ACCSL: variants seen among roughly 807,000 people sequenced by gnomAD.
The protein encoded by ACCSL is 1-aminocyclopropane-1-carboxylate synthase homolog (inactive) like, also known as probable inactive 1-aminocyclopropane-1-carboxylate synthase-like protein 2.
Under a neutral mutation model 61.7 loss-of-function variants are expected in ACCSL, and 55 were observed. That is an observed-to-expected ratio of 0.89 (90% CI 0.72 to 1.12). ACCSL has a LOEUF of 1.12. Ranked by LOEUF, ACCSL falls within the 50% of genes most tolerant of loss-of-function variation. The pLI is 0.00. For synonymous variants in ACCSL, 258 were observed against 264.3 expected (o/e 0.98, Z 0.23); for missense variants, 632 against 698.0 (o/e 0.91, Z 1.07).
the ACCSL span, among the ~76,000 whole-genome samples, chr11:43,977,037 G>A: frequency 6.6e-6 from 1 of 152,160 alleles, no homozygotes; most frequent in Non-Finnish European, 1.5e-5. Flanking sequence ...CTCTTGAAAG[G>A]CCAGTCCTCC....
At chr11:43,924,692 C>A in the ACCSL span, among the ~76,000 whole-genome samples, 1 of 152,240 alleles carries the variant, frequency 6.6e-6, no homozygotes, top group Non-Finnish European at 1.5e-5. Context: ...CCAGCTGGGT[C>A]ATCGCTGCCT....
the ACCSL span, among the ~76,000 whole-genome samples, chr11:43,990,745 C>T: frequency 1.3e-5 from 2 of 152,166 alleles, no homozygotes; most frequent in Non-Finnish European, 2.9e-5. Flanking sequence ...CTGCAGAATG[C>T]TTCTCACTGG....
the ACCSL span, among the ~76,000 whole-genome samples, chr11:44,014,496 A>C: frequency 9.8e-6 from 1 of 102,350 alleles, no homozygotes; most frequent in Non-Finnish European, 2.0e-5. Context: ...AGAGAGAGAG[A>C]GAGAGAGAGA....
chr11:44,057,475 C>A (rs192550874), intron 11 of ACCSL, among the ~76,000 whole-genome samples: 121 of 152,296 alleles, frequency 7.9e-4, no homozygotes, highest in African/African-American at 1.5e-3. Flanking sequence ...CTTGGATGGA[C>A]GTGGGAGTTT....
At chr11:43,923,761 G>A in the ACCSL span, among the ~76,000 whole-genome samples, 1 of 152,232 alleles carries the variant, frequency 6.6e-6, no homozygotes, top group Non-Finnish European at 1.5e-5. Flanking sequence ...GTTTAAGCTG[G>A]AGCGGGAAGA....
At chr11:44,026,522 A>T in the ACCSL span, among the ~76,000 whole-genome samples, 5 of 152,164 alleles carry the variant, frequency 3.3e-5, no homozygotes, top group African/African-American at 4.8e-5. Flanking sequence ...TAAATCCAAC[A>T]TCTGGGCATT....
chr11:43,935,858 T>C, the ACCSL span, among the ~76,000 whole-genome samples: 1 of 152,134 alleles, frequency 6.6e-6, no homozygotes, highest in East Asian at 1.9e-4. Flanking sequence ...GAAGAGGGAC[T>C]GTCCTACATC....
chr11:44,041,281 A>G, the ACCSL span, among the ~76,000 whole-genome samples: 2 of 152,238 alleles, frequency 1.3e-5, no homozygotes, highest in Admixed American at 6.5e-5. Flanking sequence ...TTCTTACCTC[A>G]CAGCAGTTGT....
At chr11:44,009,619 G>C in the ACCSL span, among the ~76,000 whole-genome samples, 3 of 152,076 alleles carry the variant, frequency 2.0e-5, no homozygotes, top group Non-Finnish European at 4.4e-5. Flanking sequence ...TAAAAAATTT[G>C]CTGGGCATGG....
Position 44,056,267 on chromosome 11 carries a change from A to G in ACCSL, c.1268A>G (p.Tyr423Cys), listed in dbSNP as rs1412214760. 2 of 1,614,000 alleles carry G rather than the reference A, an allele frequency of 1.2e-6. No homozygotes were observed. The highest frequency in any genetic ancestry group is 8.5e-7 in the Non-Finnish European group (1 of 1,180,048). Residue 423 changes from tyrosine (Y) to cysteine (C), a missense_variant, in exon 11 of 14, where the codon TAC (tyrosine) becomes TGC (cysteine). Tyr to Cys is a radical substitution (Grantham distance 194, BLOSUM62 -2). Coordinates refer to ENST00000378832, the MANE Select transcript of ACCSL (RefSeq NM_001031854.2). Reference sequence around the variant, plus strand: ...GCCTCTGCTGTGAGTGCCTTTGGCTACCTCCACAGTATTTCTGGCATCACC... The same window carrying G: ...GCCTCTGCTGTGAGTGCCTTTGGCTGCCTCCACAGTATTTCTGGCATCACC... ...EVASAVSAFG[Y>C]LHSISGITQH...
the ACCSL span, among the ~76,000 whole-genome samples, chr11:43,993,672 G>A: frequency 5.9e-5 from 9 of 151,952 alleles, no homozygotes; most frequent in South Asian, 2.1e-4. Flanking sequence ...CCAGAACAAC[G>A]AGCATCCTGG....
At chr11:44,058,239 AAGGG>A in intron 11 of ACCSL, 74 bp from the exon 12 acceptor site, 1 of 1,498,170 alleles carries the variant, frequency 6.7e-7, no homozygotes, top group Non-Finnish European at 9.2e-7. Context: ...GAAGCCCAGG[AAGGG>A]AGCATTTGGG....
the ACCSL span, among the ~76,000 whole-genome samples, chr11:43,942,069 TGTGTGTGC>T: frequency 2.9e-5 from 4 of 139,206 alleles, no homozygotes; most frequent in African/African-American, 5.3e-5. Context: ...TGTGTGTGTG[TGTGTGTGC>T]GCGCGCGCGC....
the ACCSL span, among the ~76,000 whole-genome samples, chr11:43,942,035 CGTGTGTGTGTGTGTGTGT>C: frequency 8.9e-5 from 8 of 89,620 alleles, no homozygotes; most frequent in African/African-American, 2.6e-4. Flanking sequence ...TGCATTCGTG[CGTGTGTGTGTGTGTGTGT>C]GTGTGTGTGT....
At chr11:43,976,798 C>T in the ACCSL span, among the ~76,000 whole-genome samples, 1 of 152,188 alleles carries the variant, frequency 6.6e-6, no homozygotes, top group South Asian at 2.1e-4. Context: ...ACAAGAAAGG[C>T]TGGGAACAGA....
intron 3 of ACCSL, among the ~76,000 whole-genome samples, chr11:44,051,022 T>C (rs1360235153): frequency 1.3e-5 from 2 of 152,210 alleles, no homozygotes; most frequent in African/African-American, 4.8e-5. Context: ...TTTGTATTTT[T>C]AGTAGAGACG....
the ACCSL span, among the ~76,000 whole-genome samples, chr11:44,042,962 G>C: frequency 6.6e-6 from 1 of 151,518 alleles, no homozygotes; most frequent in South Asian, 2.1e-4. Flanking sequence ...GTGTGCCTGT[G>C]ATACCAGTTA....
intron 2 of ACCSL, among the ~76,000 whole-genome samples, 158 bp downstream of exon 2, chr11:44,050,279 G>T (rs968355865): frequency 6.6e-6 from 1 of 152,180 alleles, no homozygotes; most frequent in Non-Finnish European, 1.5e-5. Flanking sequence ...TCCTGGCTTT[G>T]CTGACTGTCC....
At chr11:43,982,226 C>T in the ACCSL span, among the ~76,000 whole-genome samples, 3 of 86,324 alleles carry the variant, frequency 3.5e-5, no homozygotes, top group African/African-American at 1.3e-4. Context: ...CCAAGGCCCT[C>T]TTTTTTTTTT....
Sources: gnomAD v4.1 joint callset for allele counts (sites outside exome capture counted in the v4.1 genomes callset) on GRCh38, gnomAD v4.1.1 for gene constraint, MANE v1.5 for transcripts, NCBI Gene and HGNC (gene_info 2026-07-23, HGNC 2026-07-21) for gene names.